The following TACR1 variants were observed in gnomAD, a reference collection of about 807,000 sequenced individuals.
TACR1 encodes tachykinin receptor 1, also known as substance-P receptor.
In TACR1, 25 loss-of-function variants were observed where a neutral mutation model predicts 35.8. That is an observed-to-expected ratio of 0.70 (90% CI 0.51 to 0.98). TACR1 has a LOEUF of 0.98. Among genes scored for constraint, TACR1 ranks in the 50% least tolerant of loss-of-function variants. TACR1 has a pLI of 0.00. For synonymous variants in TACR1, 195 were observed against 206.7 expected (o/e 0.94, Z 0.48); for missense variants, 478 against 522.9 (o/e 0.91, Z 0.84).
At chr2:75,125,646 A>T (rs1674057853) in intron 1 of TACR1, among the ~76,000 whole-genome samples, 1 of 152,330 alleles carries the variant, frequency 6.6e-6, no homozygotes, top group Non-Finnish European at 1.5e-5. Flanking sequence ...TTGAGTGAAA[A>T]TAAGTGTAAA....
At chr2:75,082,337 T>G (rs1259615876) in intron 2 of TACR1, among the ~76,000 whole-genome samples, 2 of 152,118 alleles carry the variant, frequency 1.3e-5, no homozygotes, top group African/African-American at 4.8e-5. Flanking sequence ...ACATTTGGGT[T>G]GGTTGGTTCC....
At chr2:75,147,901 C>T (rs1402764393) in intron 1 of TACR1, among the ~76,000 whole-genome samples, 2 of 152,106 alleles carry the variant, frequency 1.3e-5, no homozygotes, top group African/African-American at 4.8e-5. Context: ...TGTGCCACCA[C>T]ACCTGGCTAA....
chr2:75,145,268 A>C (rs547197245), intron 1 of TACR1, among the ~76,000 whole-genome samples: 1 of 152,188 alleles, frequency 6.6e-6, no homozygotes, highest in African/African-American at 2.4e-5. Flanking sequence ...ATTTTATTTA[A>C]TGGTGAAAAT....
intron 2 of TACR1, among the ~76,000 whole-genome samples, chr2:75,094,859 A>ATATATATATATATATTTTTTTTTTT: frequency 1.8e-5 from 2 of 113,130 alleles, no homozygotes; most frequent in African/African-American, 9.6e-5. Flanking sequence ...ATATATATAT[A>ATATATATATATATATTTTTTTTTTT]TTTTTTTTTT....
At chr2:75,179,872 G>A in intron 1 of TACR1, among the ~76,000 whole-genome samples, 1 of 152,154 alleles carries the variant, frequency 6.6e-6, no homozygotes, top group East Asian at 1.9e-4. Flanking sequence ...TGAATAAACT[G>A]CATGATAAAG....
At chr2:75,111,325 G>T (rs1298375740) in intron 2 of TACR1, among the ~76,000 whole-genome samples, 1 of 151,992 alleles carries the variant, frequency 6.6e-6, no homozygotes, top group African/African-American at 2.4e-5. Context: ...GTTTTAAGTT[G>T]TGAGAAAGGA....
intron 1 of TACR1, among the ~76,000 whole-genome samples, chr2:75,139,406 T>C (rs974857489): frequency 6.6e-6 from 1 of 152,218 alleles, no homozygotes; most frequent in African/African-American, 2.4e-5. Context: ...TATCTGACTT[T>C]AGCATCTGCA....
chr2:75,197,743 C>A (rs1182365109), intron 1 of TACR1, among the ~76,000 whole-genome samples: 1 of 152,148 alleles, frequency 6.6e-6, no homozygotes, highest in African/African-American at 2.4e-5. Flanking sequence ...AATGCCTTTG[C>A]CAAGCATGTT....
intron 1 of TACR1, among the ~76,000 whole-genome samples, chr2:75,135,248 A>C (rs532906331): frequency 2.0e-5 from 3 of 152,346 alleles, no homozygotes; most frequent in South Asian, 4.1e-4. Flanking sequence ...AATCTTTCTT[A>C]AAGTGATTTC....
chr2:75,137,754 A>C lies in TACR1; in HGVS notation c.390-16986T>G, dbSNP rs1674328267. ...AAAAAAAAAAAAAAAAAAAAAAAAA[A>C]AAGAAAAAATAAAAGAAATCCAGCT... On this transcript the variant is annotated intron_variant, in intron 1 of 4. Coordinates refer to ENST00000305249, the MANE Select transcript of TACR1 (RefSeq NM_001058.4). Among the ~76,000 whole-genome samples the C allele has an allele frequency of 2.6e-5, 4 of 150,950 alleles. 1 individual carries two copies. The South Asian group carries it at 8.4e-4, about 32-fold the overall frequency.
chr2:75,112,365 A>G (rs1036109600), intron 2 of TACR1, among the ~76,000 whole-genome samples: 3 of 152,036 alleles, frequency 2.0e-5, no homozygotes, highest in African/African-American at 4.8e-5. Context: ...ACTCTTTCAG[A>G]TGATTCACTT....
At chr2:75,131,785 G>C (rs1276205238) in intron 1 of TACR1, among the ~76,000 whole-genome samples, 1 of 152,128 alleles carries the variant, frequency 6.6e-6, no homozygotes, top group African/African-American at 2.4e-5. Flanking sequence ...AAAAGTGTTT[G>C]AGCCTTTGAC....
At chr2:75,163,348 A>G (rs1338054951) in intron 1 of TACR1, among the ~76,000 whole-genome samples, 1 of 152,194 alleles carries the variant, frequency 6.6e-6, no homozygotes, top group Non-Finnish European at 1.5e-5. Context: ...AGGACCTAAG[A>G]ATATTTATTT....
intron 2 of TACR1, among the ~76,000 whole-genome samples, chr2:75,065,454 C>G (rs1239381875): frequency 6.6e-6 from 1 of 152,210 alleles, no homozygotes; most frequent in African/African-American, 2.4e-5. Context: ...TCCACCCACT[C>G]TCAAACCCTC....
At chr2:75,190,985 T>G (rs1345503843) in intron 1 of TACR1, among the ~76,000 whole-genome samples, 2 of 152,186 alleles carry the variant, frequency 1.3e-5, no homozygotes, top group African/African-American at 2.4e-5. Flanking sequence ...TTAGACAAAT[T>G]AATTTCCTTG....
chr2:75,164,847 C>T (rs905063691), intron 1 of TACR1, among the ~76,000 whole-genome samples: 1 of 152,212 alleles, frequency 6.6e-6, no homozygotes, highest in South Asian at 2.1e-4. Context: ...TAACAATGCT[C>T]AGTCCCAAGT....
chr2:75,111,235 A>G (rs1002631941), intron 2 of TACR1, among the ~76,000 whole-genome samples: 2 of 152,018 alleles, frequency 1.3e-5, no homozygotes, highest in Non-Finnish European at 2.9e-5. Flanking sequence ...CAAACCAGCA[A>G]TCTTTCATTT....
chr2:75,111,175 A>G (rs1484954952), intron 2 of TACR1, among the ~76,000 whole-genome samples: 1 of 151,970 alleles, frequency 6.6e-6, no homozygotes, highest in Non-Finnish European at 1.5e-5. Context: ...TATAGAATTT[A>G]ACAAACTCAT....
intron 2 of TACR1, among the ~76,000 whole-genome samples, chr2:75,093,603 A>G (rs1048848611): frequency 6.6e-6 from 1 of 152,110 alleles, no homozygotes; most frequent in Non-Finnish European, 1.5e-5. Flanking sequence ...AGACTGCAGG[A>G]GCTCCCTGCC....
Sources: gnomAD v4.1 joint callset for allele counts (sites outside exome capture counted in the v4.1 genomes callset) on GRCh38, gnomAD v4.1.1 for gene constraint, MANE v1.5 for transcripts, NCBI Gene and HGNC (gene_info 2026-07-23, HGNC 2026-07-21) for gene names.